Variants in FTO observed in about 807,000 individuals in gnomAD.
FTO encodes the protein alpha-ketoglutarate-dependent dioxygenase FTO.
A neutral mutation model predicts 63.9 loss-of-function variants in FTO; 47 were observed. The ratio of observed to expected loss-of-function variants is 0.74; its 90% confidence interval spans 0.58 to 0.94. The LOEUF is 0.94. Ranked by LOEUF, FTO falls within the 40% of genes least tolerant of loss-of-function variation. The pLI is 0.00. For synonymous variants in FTO, 207 were observed against 224.4 expected (o/e 0.92, Z 0.69); for missense variants, 562 against 618.1 (o/e 0.91, Z 0.96).
intron 1 of FTO, among the ~76,000 whole-genome samples, chr16:53,795,599 A>G (rs2078042835): frequency 6.6e-6 from 1 of 152,206 alleles, no homozygotes; most frequent in South Asian, 2.1e-4. Flanking sequence ...ATGAGCCTCT[A>G]TACCTGGCCA....
intron 1 of FTO, among the ~76,000 whole-genome samples, chr16:53,800,558 GTTA>G: frequency 6.6e-6 from 1 of 152,124 alleles, no homozygotes; most frequent in East Asian, 1.9e-4. Flanking sequence ...TGTTCTACCA[GTTA>G]TTAAGACAAG....
intron 8 of FTO, among the ~76,000 whole-genome samples, chr16:54,065,229 C>G (rs1330991487): frequency 6.6e-6 from 1 of 151,570 alleles, no homozygotes; most frequent in Non-Finnish European, 1.5e-5. Flanking sequence ...GCAATCATAG[C>G]TCACTGCAGC....
intron 8 of FTO, among the ~76,000 whole-genome samples, chr16:54,036,927 G>A (rs1212886726): frequency 6.6e-6 from 1 of 152,158 alleles, no homozygotes; most frequent in African/African-American, 2.4e-5. Flanking sequence ...CATTGAACCC[G>A]ATCTCAGGAA....
intron 4 of FTO, among the ~76,000 whole-genome samples, chr16:53,862,179 C>T (rs1299663105): frequency 2.0e-5 from 3 of 152,094 alleles, no homozygotes; most frequent in Non-Finnish European, 4.4e-5. Context: ...ACCCAGCAGG[C>T]AGAGGTTGCA....
At chr16:54,111,224 C>T (rs1261358148) in intron 8 of FTO, among the ~76,000 whole-genome samples, 1 of 152,180 alleles carries the variant, frequency 6.6e-6, no homozygotes, top group Non-Finnish European at 1.5e-5. Context: ...CCTTATAAAT[C>T]GGTCTCTCCT....
In FTO at chr16:53,823,754, C is replaced by T. The variant is rs150063397; in HGVS notation, c.124-2110C>T. Among the ~76,000 whole-genome samples the T allele has an allele frequency of 9.2e-3, 1,393 of 152,126 alleles. 15 individuals are homozygous for T. Among genetic ancestry groups the T allele is most frequent in the East Asian group, 0.037 (191 of 5,154 alleles). On this transcript the variant is annotated intron_variant, in intron 2 of 8. Coordinates refer to ENST00000471389, the MANE Select transcript of FTO (RefSeq NM_001080432.3). The stretch of plus-strand genomic sequence containing the variant: ...ATACAAAATTAGCCAGGTGTGGTGG[C>T]GCATGCCTGTAATCTCAGCTACTCG...
intron 7 of FTO, among the ~76,000 whole-genome samples, chr16:53,889,340 T>C (rs913481173): frequency 1.3e-5 from 2 of 152,148 alleles, no homozygotes; most frequent in African/African-American, 4.8e-5. Context: ...CCTTAATTTG[T>C]GGATGTGAAA....
intron 8 of FTO, among the ~76,000 whole-genome samples, chr16:54,089,936 C>T (rs708252): frequency 0.55 from 83,146 of 151,460 alleles, 24,029 homozygotes; most frequent in African/African-American, 0.74. Context: ...TTGGTGGGAG[C>T]GCAAAATGGT....
intron 8 of FTO, among the ~76,000 whole-genome samples, chr16:54,102,854 T>C (rs1376433870): frequency 6.6e-6 from 1 of 152,078 alleles, no homozygotes; most frequent in Non-Finnish European, 1.5e-5. Context: ...CTATGCTAAA[T>C]GGAAGAAAGA....
rs776743009 is a variant in FTO at position 53,825,967 on chromosome 16, G to T, written c.227G>T (p.Gly76Val). 1 of 1,614,164 alleles carries T rather than the reference G, an allele frequency of 6.2e-7. No homozygotes were observed. Among genetic ancestry groups the T allele is most frequent in the South Asian group, 1.1e-5 (1 of 91,078 alleles). ...QEAFLTLHKH[G>V]CLFRDLVRIQ... ...GCCTTTCTCACACTGCACAAGCATG[G>T]CTGCTTATTTCGGGACCTGGTTAGG... The change falls in exon 3 of 9, where the codon GGC (glycine) becomes GTC (valine). Residue 76 changes from glycine to valine, a missense_variant. Gly to Val is a moderately radical substitution (Grantham distance 109). Coordinates refer to ENST00000471389, the MANE Select transcript of FTO (RefSeq NM_001080432.3).
intron 8 of FTO, chr16:53,993,711 T>C (rs2083868525): frequency 6.6e-6 from 1 of 152,210 alleles, no homozygotes; most frequent in African/African-American, 2.4e-5. Context: ...ATATGAGCCT[T>C]TCTTTTTTCA....
intron 1 of FTO, among the ~76,000 whole-genome samples, chr16:53,738,616 G>A (rs1486160848): frequency 6.6e-6 from 1 of 152,086 alleles, no homozygotes; most frequent in Non-Finnish European, 1.5e-5. Flanking sequence ...ACCTGGAAGT[G>A]GAATTGCTGG....
At chr16:54,103,173 C>A (rs141397540) in intron 8 of FTO, among the ~76,000 whole-genome samples, 4 of 152,148 alleles carry the variant, frequency 2.6e-5, no homozygotes, top group Non-Finnish European at 5.9e-5. Context: ...AGAAAGAGTT[C>A]TTGAAAAATG....
chr16:54,022,767 T>C (rs1460646551), intron 8 of FTO, among the ~76,000 whole-genome samples: 1 of 152,278 alleles, frequency 6.6e-6, no homozygotes, highest in African/African-American at 2.4e-5. Context: ...AGTGACATGC[T>C]ATCTTGTGCT....
intron 8 of FTO, among the ~76,000 whole-genome samples, chr16:53,958,876 C>G (rs1230423299): frequency 4.6e-5 from 7 of 152,156 alleles, no homozygotes; most frequent in Non-Finnish European, 7.4e-5. Flanking sequence ...GGGTTCAGCT[C>G]CAGCAGCTGA....
intron 8 of FTO, among the ~76,000 whole-genome samples, chr16:54,008,859 T>TAAA (rs1555501851): frequency 3.1e-5 from 4 of 128,322 alleles, no homozygotes; most frequent in South Asian, 2.6e-4. Context: ...ATAATAATAA[T>TAAA]AAATTAGCTG....
At chr16:53,922,335 G>T (rs1489248289) in intron 7 of FTO, among the ~76,000 whole-genome samples, 1 of 152,172 alleles carries the variant, frequency 6.6e-6, no homozygotes, top group Non-Finnish European at 1.5e-5. Context: ...TTGGCTTAAA[G>T]CTGTAAATGG....
intron 1 of FTO, among the ~76,000 whole-genome samples, chr16:53,746,588 A>G (rs891660433): frequency 6.6e-6 from 1 of 152,176 alleles, no homozygotes; most frequent in African/African-American, 2.4e-5. Flanking sequence ...AAATTGCCAA[A>G]TCATAGTTGT....
chr16:53,943,019 C>T (rs528866036), intron 8 of FTO, among the ~76,000 whole-genome samples: 4 of 152,096 alleles, frequency 2.6e-5, no homozygotes, highest in African/African-American at 4.8e-5. Flanking sequence ...AGTTGCCATC[C>T]GGGTCTTTTT....
Sources: gnomAD v4.1 joint callset for allele counts (sites outside exome capture counted in the v4.1 genomes callset) on GRCh38, gnomAD v4.1.1 for gene constraint, MANE v1.5 for transcripts, NCBI Gene and HGNC (gene_info 2026-07-23, HGNC 2026-07-21) for gene names.